Variants in NLE1 observed in about 807,000 individuals in gnomAD.
The protein encoded by NLE1 is notchless protein homolog 1.
NLE1 carries 37 observed loss-of-function variants against 62.8 expected under a neutral mutation model. That is an observed-to-expected ratio of 0.59 (90% CI 0.45 to 0.78). The LOEUF is 0.78. NLE1 is among the 30% of genes least tolerant of loss of function. NLE1 has a pLI of 0.00. For synonymous variants in NLE1, 243 were observed against 253.0 expected (o/e 0.96, Z 0.37); for missense variants, 555 against 637.9 (o/e 0.87, Z 1.40).
Position 35,129,653 on chromosome 17 carries a change from TA to T in NLE1, c.*2783del. On this transcript the variant is annotated 3_prime_UTR_variant, in exon 13 of 13. Transcript: ENST00000442241. ...TGGGGTGGGGAAGTGGTGCAAGCCC[TA>T]CAAAGTGAGCCCTGGGAAAAGAGGG... The T allele has an allele frequency of 6.2e-7, 1 of 1,613,468 alleles. No homozygotes were observed. The highest frequency in any genetic ancestry group is 8.5e-7 in the Non-Finnish European group (1 of 1,179,832).
At chr17:35,138,019 T>A in intron 4 of NLE1, 129 bp from the exon 5 acceptor site, 2 of 659,452 alleles carry the variant, frequency 3.0e-6, no homozygotes, top group Non-Finnish European at 5.2e-6. Context: ...AAAGGAGCGA[T>A]GAGGCTTTCT....
In NLE1 at chr17:35,129,352, G is replaced by A. The variant is rs78946900; in HGVS notation, c.*3085C>T. 115 of 1,567,830 alleles carry A rather than the reference G, an allele frequency of 7.3e-5. No homozygotes were observed. In the African/African-American group the frequency reaches 1.4e-3, roughly 20 times the overall value. On this transcript the variant is annotated 3_prime_UTR_variant, in exon 13 of 13. Coordinates refer to ENST00000442241, the MANE Select transcript of NLE1 (RefSeq NM_018096.5). ...ATGGGCATGGGACGTCCTGACCCCA[G>A]TTGGGAGGGTGAAGGGACAGGAAGG... is the stretch of plus-strand genomic sequence containing the variant.
In NLE1 at chr17:35,140,024, T is replaced by C. The variant is rs763393896; in HGVS notation, c.205A>G (p.Ile69Val). The change falls in exon 3 of 13, where the codon ATC becomes GTC. Residue 69 changes from isoleucine (I) to valine (V), a missense_variant. Transcript: ENST00000442241. ...AACGTCTTCCCCAGTGAGGAGACGA[T>C]CTCAGCATCGTGGACAAAGAAAGCC... is the stretch of plus-strand genomic sequence containing the variant. ...PLAFFVHDAE[I>V]VSSLGKTLES... The C allele has an allele frequency of 5.0e-6, 8 of 1,613,836 alleles. No individual in the cohort carries two copies. In the East Asian group the frequency reaches 1.6e-4, roughly 31 times the overall value.
At chr17:35,142,217 C>A (rs748444874) in intron 1 of NLE1, 41 bp downstream of exon 1, 2 of 1,566,144 alleles carry the variant, frequency 1.3e-6, no homozygotes, top group Non-Finnish European at 1.7e-6. Flanking sequence ...GGCCCTAGCG[C>A]CCCGCGGCGA....
rs1192011311 is a variant in NLE1, at chr17:35,133,482, G to A, written c.1231C>T (p.Arg411Cys). 38 of 1,612,542 alleles carry A rather than the reference G, an allele frequency of 2.4e-5. No homozygotes were observed. Among genetic ancestry groups the A allele is most frequent in the Middle Eastern group, 3.3e-4 (2 of 6,062 alleles). Residue 411 changes from arginine (R) to cysteine (C), a missense_variant, in exon 11 of 13, where the codon CGC becomes TGC. Physicochemically the swap from Arg to Cys is radical, Grantham distance 180. Coordinates refer to ENST00000442241, the MANE Select transcript of NLE1 (RefSeq NM_018096.5). ...TGGTACACGGCAGCCACGTGGCCGC[G>A]TAGGGAAGCCAGGTACCTGGTCCAG... ...GRTGKYLASL[R>C]GHVAAVYQIA...
intron 12 of NLE1, 59 bp downstream of exon 12, chr17:35,133,111 CA>C: frequency 6.0e-6 from 9 of 1,495,200 alleles, no homozygotes; most frequent in Non-Finnish European, 7.5e-6. Flanking sequence ...AAAGTGTGCA[CA>C]GAAGGACCTT....
chr17:35,139,895 C>T lies in NLE1; in HGVS notation c.334G>A (p.Gly112Ser), dbSNP rs1024689505. ...ACAGAAATGACTGCCTCACTGTGACCCTCCAAGGAGCTGGTGCAGCGAGTC... is the reference window on the plus strand; with the variant it reads ...ACAGAAATGACTGCCTCACTGTGACTCTCCAAGGAGCTGGTGCAGCGAGTC... Reference protein sequence around the residue: ...AVTRCTSSLEGHSEAVISVAF... With the variant: ...AVTRCTSSLESHSEAVISVAF... The change falls in exon 3 of 13, where the codon GGT becomes AGT. Residue 112 changes from glycine (G) to serine (S), a missense_variant. Transcript: ENST00000442241. 3 of 1,613,814 alleles carry T rather than the reference C, an allele frequency of 1.9e-6. No individual in the cohort carries two copies. Among genetic ancestry groups the T allele is most frequent in the Admixed American group, 1.7e-5 (1 of 60,004 alleles).
chr17:35,139,744 G>A, intron 3 of NLE1, 105 bp downstream of exon 3: 1 of 1,479,998 alleles, frequency 6.8e-7, no homozygotes, highest in South Asian at 1.3e-5. Context: ...GTCTATGGTA[G>A]GCAGCCCTGA....
rs548203904 is a variant in NLE1 at position 35,131,837 on chromosome 17, G to A, written c.*600C>T. On this transcript the variant is annotated 3_prime_UTR_variant, in exon 13 of 13. Coordinates refer to ENST00000442241, the MANE Select transcript of NLE1 (RefSeq NM_018096.5). Reference sequence around the variant, plus strand: ...CTATTTCATGCCAGCAGTCACATGTGGCCGGTGCCTACTGCAGTGGACAAC... The same window carrying A: ...CTATTTCATGCCAGCAGTCACATGTAGCCGGTGCCTACTGCAGTGGACAAC... 9.8e-5 allele frequency: 15 copies of A among 152,440 alleles called. No homozygotes were observed. Among genetic ancestry groups the A allele is most frequent in the Admixed American group, 2.0e-4 (3 of 15,300 alleles). 9.4% of individuals were successfully genotyped at this position (152,440 alleles called of 1,614,324 possible). A position where few individuals can be genotyped will look rare whatever the true frequency, so the allele number is the denominator to read the frequency against.
chr17:35,130,661 G>A lies in NLE1; in HGVS notation c.*1776C>T. The A allele has an allele frequency of 1.9e-6, 1 of 537,260 alleles. No individual in the cohort carries two copies. The highest frequency in any genetic ancestry group is 3.4e-5 in the Admixed American group (1 of 29,344). 33.3% of individuals were successfully genotyped at this position (537,260 alleles called of 1,614,324 possible). A position where few individuals can be genotyped will look rare whatever the true frequency, so the allele number is the denominator to read the frequency against. On this transcript the variant is annotated 3_prime_UTR_variant, in exon 13 of 13. Transcript: ENST00000442241. ...CCAGGCTCAGCCACTGCCCACAGCT[G>A]CTAGACTCCCTCCTCCTCCAAATCT...
chr17:35,141,702 T>C (rs2142512037), intron 2 of NLE1, among the ~76,000 whole-genome samples: 1 of 152,172 alleles, frequency 6.6e-6, no homozygotes, highest in South Asian at 2.1e-4. Context: ...ATGGGGATAT[T>C]AACGTGTCCC....
At position 35,129,730 on chromosome 17, in the gene NLE1, T is replaced by C. The variant is rs755335368; in HGVS notation, c.*2707A>G. On this transcript the variant is annotated 3_prime_UTR_variant, in exon 13 of 13. Transcript: ENST00000442241. The stretch of plus-strand genomic sequence containing the variant: ...AGCCAGGGAACCAGGGCTTTGGAGG[T>C]TGGGAACACCCCTATGCCCACATGA... 14 of 1,555,744 alleles carry C rather than the reference T, an allele frequency of 9.0e-6. No individual in the cohort carries two copies. The highest frequency in any genetic ancestry group is 1.2e-5 in the Non-Finnish European group (14 of 1,151,280).
chr17:35,139,410 C>A lies in NLE1; in HGVS notation c.381-96G>T, dbSNP rs2091929135. 18 of 1,011,946 alleles carry A rather than the reference C, an allele frequency of 1.8e-5. No individual in the cohort carries two copies. In the South Asian group the frequency reaches 2.3e-4, roughly 13 times the overall value. 62.7% of individuals were successfully genotyped at this position (1,011,946 alleles called of 1,614,324 possible). A position where few individuals can be genotyped will look rare whatever the true frequency, so the allele number is the denominator to read the frequency against. ...AATAGAATATGGAACTGGACTCTTT[C>A]CTCGCCCCTGGAAGGGAGAAAGACA... On this transcript the variant is annotated intron_variant, in intron 3 of 12. Transcript: ENST00000442241.
intron 6 of NLE1, 104 bp from the exon 7 acceptor site, chr17:35,137,297 G>A: frequency 8.7e-7 from 1 of 1,149,306 alleles, no homozygotes; most frequent in Non-Finnish European, 1.2e-6. Flanking sequence ...TCTTTTGACA[G>A]CTTTTCTGAC....
At chr17:35,132,596 A>G in intron 12 of NLE1, 147 bp from the exon 13 acceptor site, 2 of 659,348 alleles carry the variant, frequency 3.0e-6, no homozygotes, top group South Asian at 1.0e-4. Flanking sequence ...CTGCCCACCC[A>G]AACTCAGGCT....
Position 35,129,976 on chromosome 17 carries a change from G to C in NLE1, c.*2461C>G. 24 of 1,371,036 alleles carry C rather than the reference G, an allele frequency of 1.8e-5. No homozygotes were observed. Among genetic ancestry groups the C allele is most frequent in the Non-Finnish European group, 2.0e-5 (21 of 1,062,854 alleles). 84.9% of individuals were successfully genotyped at this position (1,371,036 alleles called of 1,614,324 possible). On this transcript the variant is annotated 3_prime_UTR_variant, in exon 13 of 13. Transcript: ENST00000442241. Reference sequence around the variant, plus strand: ...AGTAGGCTGGGAAGTCAAGGGCATTGAAAGAAATAGGGAAGACAAGAGGCT... The same window carrying C: ...AGTAGGCTGGGAAGTCAAGGGCATTCAAAGAAATAGGGAAGACAAGAGGCT...
chr17:35,130,004 A>AG lies in NLE1; in HGVS notation c.*2432dup. The AG allele has an allele frequency of 3.6e-6, 5 of 1,381,820 alleles. No individual in the cohort carries two copies. The highest frequency in any genetic ancestry group is 4.7e-6 in the Non-Finnish European group (5 of 1,069,644). The allele number at this position is 1,381,820 out of a possible 1,614,324, so 85.6% of individuals were successfully genotyped here. A position where few individuals can be genotyped will look rare whatever the true frequency, so the allele number is the denominator to read the frequency against. ...AGAAATAGGGAAGACAAGAGGCTAA[A>AG]GGGGGACGAAGAAGGGAACAGCCTG... On this transcript the variant is annotated 3_prime_UTR_variant, in exon 13 of 13. Transcript: ENST00000442241.
Position 35,130,351 on chromosome 17 carries a change from A to G in NLE1, c.*2086T>C. ...CCCCATCCAGATCACCGTGCGGCGC[A>G]AGGAACCCCGGCAAAAGATCGTGTC... On this transcript the variant is annotated 3_prime_UTR_variant, in exon 13 of 13. Coordinates refer to ENST00000442241, the MANE Select transcript of NLE1 (RefSeq NM_018096.5). The G allele has an allele frequency of 6.2e-7, 1 of 1,614,108 alleles. No homozygotes were observed. The highest frequency in any genetic ancestry group is 8.5e-7 in the Non-Finnish European group (1 of 1,180,000).
intron 2 of NLE1, among the ~76,000 whole-genome samples, chr17:35,140,581 C>T (rs1316878664): frequency 1.8e-5 from 2 of 110,066 alleles, no homozygotes; most frequent in Non-Finnish European, 3.6e-5. Flanking sequence ...TTACACAGCA[C>T]TTGGAAATTC....
Sources: gnomAD v4.1 joint callset for allele counts (sites outside exome capture counted in the v4.1 genomes callset) on GRCh38, gnomAD v4.1.1 for gene constraint, MANE v1.5 for transcripts, NCBI Gene and HGNC (gene_info 2026-07-23, HGNC 2026-07-21) for gene names.